Variants in SLC6A11 observed in about 807,000 individuals in gnomAD.
The protein encoded by SLC6A11 is solute carrier family 6 member 11.
In SLC6A11, 25 loss-of-function variants were observed where a neutral mutation model predicts 74.8. That is an observed-to-expected ratio of 0.33 (90% CI 0.24 to 0.47). The LOEUF (loss-of-function observed/expected upper bound fraction) is 0.47, where lower values mean the gene tolerates loss of function less well. SLC6A11 is among the 20% of genes least tolerant of loss of function. The pLI is 1.00. For synonymous variants in SLC6A11, 330 were observed against 330.2 expected, an observed-to-expected ratio of 1.00 and a Z score of 0.01; for missense variants, 574 against 837.0, an observed-to-expected ratio of 0.69 and a Z score of 3.88.
intron 7 of SLC6A11, among the ~76,000 whole-genome samples, chr3:10,917,070 G>A (rs142975603): frequency 6.6e-6 from 1 of 152,230 alleles, no homozygotes; most frequent in East Asian, 1.9e-4. Flanking sequence ...AGGAGGGACT[G>A]GATAAGCTGG....
chr3:10,838,915 A>G (rs1694402711), intron 4 of SLC6A11, among the ~76,000 whole-genome samples: 1 of 152,108 alleles, frequency 6.6e-6, no homozygotes, highest in Non-Finnish European at 1.5e-5. Flanking sequence ...CATCACTGCC[A>G]TCTCCTCCCA....
intron 9 of SLC6A11, among the ~76,000 whole-genome samples, chr3:10,927,447 A>G (rs1038153851): frequency 3.3e-5 from 5 of 152,036 alleles, no homozygotes; most frequent in Non-Finnish European, 5.9e-5. Flanking sequence ...CATTGTCACA[A>G]TAACCACACG....
chr3:10,910,948 C>T (rs976145271), intron 6 of SLC6A11, among the ~76,000 whole-genome samples: 35 of 151,642 alleles, frequency 2.3e-4, no homozygotes, highest in South Asian at 1.5e-3. Flanking sequence ...CAGCCTCCCA[C>T]GTAGCTGGGA....
rs77384220 is a variant in SLC6A11 at position 10,876,167 on chromosome 3, G to A, written c.891+1072G>A. Reference sequence around the variant, plus strand: ...CGTTTGTTGGGGGATGGTTAGTGCAGCTCAGAGGCCCCTCATCACGGTGGG... The same window carrying A: ...CGTTTGTTGGGGGATGGTTAGTGCAACTCAGAGGCCCCTCATCACGGTGGG... On this transcript the variant is annotated intron_variant, in intron 6 of 13. Transcript: ENST00000254488. Among the ~76,000 whole-genome samples the A allele has an allele frequency of 9.2e-3, 1,394 of 152,280 alleles. 78 individuals are homozygous for A. The South Asian group carries it at 0.11, about 12-fold the overall frequency.
intron 6 of SLC6A11, among the ~76,000 whole-genome samples, chr3:10,895,244 T>C (rs1695156705): frequency 6.6e-6 from 1 of 152,192 alleles, no homozygotes; most frequent in Non-Finnish European, 1.5e-5. Flanking sequence ...AGAGAGTGCA[T>C]TTTATTGATT....
chr3:10,865,813 G>A (rs181343869), intron 5 of SLC6A11, among the ~76,000 whole-genome samples: 57 of 152,256 alleles, frequency 3.7e-4, no homozygotes, highest in Middle Eastern at 3.4e-3. Context: ...GTAGAAGGAT[G>A]GTCACTCTTA....
At position 10,918,851 on chromosome 3, in the gene SLC6A11, C is replaced by G. The variant is rs1046440035; in HGVS notation, c.1120+398C>G. 7.3e-5 allele frequency among the ~76,000 whole-genome samples: 11 copies of G among 151,452 alleles called. No homozygotes were observed. Among genetic ancestry groups the G allele is most frequent in the Non-Finnish European group, 1.6e-4 (11 of 67,856 alleles). On this transcript the variant is annotated intron_variant, in intron 8 of 13. Transcript: ENST00000254488. This position sits in a 1 kb window ranked among gnomAD's most constrained non-coding sequence, Gnocchi z 4.5. ...AGAGGGATTTTTTTTTTTCAAAATGCAAATTTGAACATGTCTTCTCTGATG... is the reference window on the plus strand; with the variant it reads ...AGAGGGATTTTTTTTTTTCAAAATGGAAATTTGAACATGTCTTCTCTGATG...
intron 4 of SLC6A11, among the ~76,000 whole-genome samples, chr3:10,835,985 A>G (rs867674899): frequency 1.3e-5 from 2 of 152,228 alleles, no homozygotes; most frequent in African/African-American, 4.8e-5. Flanking sequence ...GAACATTTAT[A>G]TCCTCTAAAT....
chr3:10,827,080 A>G (rs1694220026), intron 4 of SLC6A11, among the ~76,000 whole-genome samples: 1 of 152,184 alleles, frequency 6.6e-6, no homozygotes, highest in African/African-American at 2.4e-5. Flanking sequence ...TTTGTCAGAC[A>G]CCTCTAATTC....
intron 5 of SLC6A11, among the ~76,000 whole-genome samples, chr3:10,845,327 C>G (rs1694489818): frequency 6.6e-6 from 1 of 152,198 alleles, no homozygotes; most frequent in Admixed American, 6.5e-5. Context: ...ATATCACCCC[C>G]AATCCTGTGG....
chr3:10,881,687 G>C (rs1233132402), intron 6 of SLC6A11, among the ~76,000 whole-genome samples: 1 of 152,196 alleles, frequency 6.6e-6, no homozygotes, highest in Non-Finnish European at 1.5e-5. Flanking sequence ...TGAAGCCTGG[G>C]CCTGGGCCAG....
chr3:10,929,115 G>T, intron 9 of SLC6A11, 87 bp from the exon 10 acceptor site: 1 of 1,435,348 alleles, frequency 7.0e-7, no homozygotes, highest in Non-Finnish European at 9.7e-7. Flanking sequence ...GAAGCCCAGG[G>T]TTCAGGCCTG....
At chr3:10,913,789 G>T (rs1412069953) in intron 7 of SLC6A11, among the ~76,000 whole-genome samples, 1 of 152,192 alleles carries the variant, frequency 6.6e-6, no homozygotes, top group East Asian at 1.9e-4. Context: ...TGCCTCCCAG[G>T]TTCACGCCAT....
intron 5 of SLC6A11, among the ~76,000 whole-genome samples, chr3:10,850,509 G>A (rs1323175451): frequency 6.6e-6 from 1 of 152,012 alleles, no homozygotes; most frequent in Non-Finnish European, 1.5e-5. Flanking sequence ...GTGAGAGGGA[G>A]CACAGGGCTG....
chr3:10,845,390 G>A (rs972507784), intron 5 of SLC6A11, among the ~76,000 whole-genome samples: 3 of 152,038 alleles, frequency 2.0e-5, no homozygotes, highest in East Asian at 1.9e-4. Context: ...TTTTTCTTAC[G>A]AAAAAGAGGG....
In SLC6A11 at chr3:10,938,266, C is replaced by T. The variant is rs770282570; in HGVS notation, c.1763C>T (p.Thr588Met). 23 of 1,592,192 alleles carry T rather than the reference C, an allele frequency of 1.4e-5. No individual in the cohort carries two copies. The highest frequency in any genetic ancestry group is 6.9e-5 in the Admixed American group (4 of 58,126). Residue 588 changes from threonine to methionine, a missense_variant, in exon 14 of 14, where the codon ACG (threonine) becomes ATG (methionine). By Grantham distance (81) the Thr-to-Met change is moderately conservative (BLOSUM62 -1). Around this residue, in one of 4 missense-constraint regions of SLC6A11, gnomAD observed 257 missense variants for 341.5 expected, o/e 0.75. Transcript: ENST00000254488. Reference sequence around the variant, plus strand: ...ACCATCCAGAAACTCCAGAAGTTGACGACCCCCAGCACAGATCTGAAAATG... The same window carrying T: ...ACCATCCAGAAACTCCAGAAGTTGATGACCCCCAGCACAGATCTGAAAATG... ...GTLPEKLQKL[T>M]TPSTDLKMRG...
chr3:10,822,242 G>A (rs1016092864), intron 3 of SLC6A11, among the ~76,000 whole-genome samples: 44 of 152,198 alleles, frequency 2.9e-4, no homozygotes, highest in African/African-American at 9.2e-4. Flanking sequence ...CTCCTGCTCC[G>A]TGCTGGCCAT....
intron 8 of SLC6A11, among the ~76,000 whole-genome samples, chr3:10,921,688 AT>A (rs554682209): frequency 1.5e-4 from 23 of 152,276 alleles, no homozygotes; most frequent in African/African-American, 5.5e-4. Context: ...AAAGGCAGAG[AT>A]TATCAGACCA....
chr3:10,816,525 A>C lies in SLC6A11; in HGVS notation c.256+4A>C. 1 of 1,564,782 alleles carries C rather than the reference A, an allele frequency of 6.4e-7. No individual in the cohort carries two copies. Among genetic ancestry groups the C allele is most frequent in the South Asian group, 1.1e-5 (1 of 88,506 alleles). ...CTGTGCTACAAGAACGGAGGAGGTG[A>C]GGTGATAGTGAGGAGAAGGGGAGGG... On this transcript the variant is annotated splice_donor_region_variant and intron_variant, in intron 1 of 13. Coordinates refer to ENST00000254488, the MANE Select transcript of SLC6A11 (RefSeq NM_014229.3). This position sits in a 1 kb window ranked among gnomAD's most constrained non-coding sequence, Gnocchi z 4.2.
Sources: allele counts gnomAD v4.1 joint callset (sites outside exome capture counted in the v4.1 genomes callset), GRCh38; gene constraint gnomAD v4.1.1; regional missense constraint gnomAD v4.1.1; non-coding constraint Gnocchi (gnomAD v3.1); transcripts MANE v1.5; gene names NCBI Gene and HGNC (gene_info 2026-07-23, HGNC 2026-07-21).